The following FRY variants were observed in gnomAD, a reference collection of about 807,000 sequenced individuals.
FRY encodes the protein FRY microtubule binding protein.
Under a neutral mutation model 348.4 loss-of-function variants are expected in FRY, and 128 were observed. The observed-to-expected ratio is 0.37, with a 90% CI of 0.32 to 0.43. The LOEUF is 0.43. FRY is among the 20% of genes least tolerant of loss of function. FRY has a pLI of 1.00. For missense variants in FRY, 2,736 were observed against 3,695.2 expected, an observed-to-expected ratio of 0.74 and a Z score of 6.73; for synonymous variants, 1,370 against 1,374.7, an observed-to-expected ratio of 1.00 and a Z score of 0.08.
At chr13:32,105,650 G>C (rs558286189) in intron 3 of FRY, among the ~76,000 whole-genome samples, 16 of 152,184 alleles carry the variant, frequency 1.1e-4, no homozygotes, top group Non-Finnish European at 1.6e-4. Flanking sequence ...ACCTTGAGTG[G>C]TTCAGACTCC....
At chr13:32,054,011 A>G (rs1381369759) in intron 1 of FRY, among the ~76,000 whole-genome samples, 1 of 152,162 alleles carries the variant, frequency 6.6e-6, no homozygotes, top group African/African-American at 2.4e-5. Context: ...AAAATAAAAC[A>G]ATAAAAGATG....
chr13:32,052,279 T>C (rs371583), intron 1 of FRY, among the ~76,000 whole-genome samples: 2,511 of 152,344 alleles, frequency 0.016, 79 homozygotes, highest in African/African-American at 0.058. Flanking sequence ...AACTTATTTG[T>C]GAATATATAT....
Position 32,051,061 on chromosome 13 carries a change from G to A in FRY, c.70+19196G>A, listed in dbSNP as rs577668643. ...TATACCAATATGGTTGAGAATAGAG[G>A]TAATAACTTAATCTGAGTGGTTATA... On this transcript the variant is annotated intron_variant, in intron 1 of 60. Coordinates refer to ENST00000542859, the MANE Select transcript of FRY (RefSeq NM_023037.3). Among the ~76,000 whole-genome samples, 5 of 152,278 alleles carry A rather than the reference G, an allele frequency of 3.3e-5. No homozygotes were observed. The South Asian group carries it at 6.2e-4, about 19-fold the overall frequency.
intron 46 of FRY, among the ~76,000 whole-genome samples, chr13:32,241,512 G>A (rs182150121): frequency 1.3e-5 from 2 of 152,322 alleles, no homozygotes; most frequent in Admixed American, 1.3e-4. Context: ...TCGTAGTGGA[G>A]AATTATTATT....
intron 59 of FRY, among the ~76,000 whole-genome samples, chr13:32,293,658 T>C (rs568631883): frequency 6.6e-6 from 1 of 152,366 alleles, no homozygotes; most frequent in African/African-American, 2.4e-5. Flanking sequence ...TCTTAATCTT[T>C]ACTTTTTAAC....
At chr13:32,092,203 C>A (rs981689763) in intron 2 of FRY, among the ~76,000 whole-genome samples, 6 of 152,204 alleles carry the variant, frequency 3.9e-5, no homozygotes, top group African/African-American at 1.2e-4. Context: ...TTAGTGAAAT[C>A]TTACCTGTGT....
At chr13:32,051,859 G>A (rs921323556) in intron 1 of FRY, among the ~76,000 whole-genome samples, 1 of 152,196 alleles carries the variant, frequency 6.6e-6, no homozygotes, top group Non-Finnish European at 1.5e-5. Context: ...ATAGGAGCTA[G>A]CACAAGACAA....
In FRY at chr13:32,123,236, A is replaced by G. The variant is rs375385572; in HGVS notation, c.465-1050A>G. Among the ~76,000 whole-genome samples the G allele has an allele frequency of 2.2e-3, 339 of 152,358 alleles. 3 individuals carry two copies. The highest frequency in any genetic ancestry group is 6.5e-3 in the African/African-American group (270 of 41,580). ...AAAAAAGAGCCCACATAGCCAAAGC[A>G]TGACTAAGCAAAAAGAACAAATCTG... On this transcript the variant is annotated intron_variant, in intron 4 of 60. Coordinates refer to ENST00000542859, the MANE Select transcript of FRY (RefSeq NM_023037.3).
chr13:32,089,585 A>G (rs1468637324), intron 2 of FRY, among the ~76,000 whole-genome samples: 1 of 152,036 alleles, frequency 6.6e-6, no homozygotes, highest in East Asian at 1.9e-4. Flanking sequence ...CAACGTGGTG[A>G]GACCCCCCAT....
intron 40 of FRY, among the ~76,000 whole-genome samples, chr13:32,229,992 C>G (rs798966): frequency 0.72 from 109,443 of 152,132 alleles, 39,905 homozygotes; most frequent in East Asian, 0.99. Flanking sequence ...TGTGTTTTGA[C>G]TATGCTGATA....
chr13:32,216,778 G>A (rs1048023720), intron 35 of FRY, among the ~76,000 whole-genome samples: 5 of 152,156 alleles, frequency 3.3e-5, no homozygotes, highest in African/African-American at 7.2e-5. Context: ...TTAGTTGGCC[G>A]ATTTGTATGA....
intron 2 of FRY, among the ~76,000 whole-genome samples, chr13:32,086,391 C>T (rs1875862899): frequency 6.6e-6 from 1 of 152,312 alleles, no homozygotes; most frequent in African/African-American, 2.4e-5. Context: ...GCAGCCAGGC[C>T]ATTTTCACTC....
At chr13:32,238,803 G>C (rs971450890) in intron 44 of FRY, among the ~76,000 whole-genome samples, 1 of 152,148 alleles carries the variant, frequency 6.6e-6, no homozygotes, top group African/African-American at 2.4e-5. Flanking sequence ...ATTTCATGAA[G>C]CTATCGCTTA....
intron 26 of FRY, 132 bp downstream of exon 26, chr13:32,185,280 G>A: frequency 1.3e-6 from 1 of 753,634 alleles, no homozygotes; most frequent in South Asian, 1.4e-5. Context: ...TTTACTTCGA[G>A]ATACTAGGAC....
At chr13:32,116,150 G>C (rs1310468451) in intron 3 of FRY, among the ~76,000 whole-genome samples, 1 of 151,978 alleles carries the variant, frequency 6.6e-6, no homozygotes, top group Non-Finnish European at 1.5e-5. Flanking sequence ...TTATGGACTT[G>C]AGATAAATTC....
At chr13:32,031,915 A>G (rs970125291) in intron 1 of FRY, 50 bp downstream of exon 1, 2 of 1,038,674 alleles carry the variant, frequency 1.9e-6, no homozygotes, top group Non-Finnish European at 3.0e-6. Flanking sequence ...TGGATGTTGC[A>G]TAAGGCTGGA....
chr13:32,254,427 C>T (rs775849991), intron 51 of FRY, 33 bp downstream of exon 51: 3 of 1,571,822 alleles, frequency 1.9e-6, no homozygotes, highest in Non-Finnish European at 2.6e-6. Flanking sequence ...ATAATCCCCG[C>T]ACCCTTTTCC....
intron 23 of FRY, 130 bp downstream of exon 23, chr13:32,179,929 A>G: frequency 1.2e-6 from 1 of 865,728 alleles, no homozygotes; most frequent in Non-Finnish European, 1.9e-6. Flanking sequence ...GTGACTTCCC[A>G]CTACATCGTC....
chr13:32,264,679 C>A lies in FRY; in HGVS notation c.7780-771C>A, dbSNP rs148944133. Reference sequence around the variant, plus strand: ...TGTCTCTTTCCTGCCTCTCACTGATCCTGGTTCTGCCTGCCCTAGAGCCCT... The same window carrying A: ...TGTCTCTTTCCTGCCTCTCACTGATACTGGTTCTGCCTGCCCTAGAGCCCT... On this transcript the variant is annotated intron_variant, in intron 53 of 60. Coordinates refer to ENST00000542859, the MANE Select transcript of FRY (RefSeq NM_023037.3). Among the ~76,000 whole-genome samples, 549 of 152,328 alleles carry A rather than the reference C, an allele frequency of 3.6e-3. 2 individuals are homozygous for A. Among genetic ancestry groups the A allele is most frequent in the Middle Eastern group, 0.014 (4 of 294 alleles).
Sources: gnomAD v4.1 joint callset for allele counts (sites outside exome capture counted in the v4.1 genomes callset) on GRCh38, gnomAD v4.1.1 for gene constraint, MANE v1.5 for transcripts, NCBI Gene and HGNC (gene_info 2026-07-23, HGNC 2026-07-21) for gene names.